Variants in COL5A2 observed in about 807,000 individuals in gnomAD.
COL5A2 encodes collagen alpha-2(V) chain.
COL5A2 carries 23 observed loss-of-function variants against 208.2 expected under a neutral mutation model. The observed-to-expected ratio is 0.11, with a 90% CI of 0.08 to 0.16. COL5A2 has a LOEUF of 0.16. Ranked by LOEUF, COL5A2 falls within the 10% of genes least tolerant of loss-of-function variation. COL5A2 has a pLI of 1.00. For synonymous variants in COL5A2, 625 were observed against 628.5 expected (o/e 0.99, Z 0.08); for missense variants, 1,590 against 1,956.4 (o/e 0.81, Z 3.53).
At chr2:189,282,920 C>T in the COL5A2 span, among the ~76,000 whole-genome samples, 3 of 151,970 alleles carry the variant, frequency 2.0e-5, no homozygotes, top group Admixed American at 2.0e-4. Context: ...ACTATAGGTG[C>T]TAAAAATAAC....
the COL5A2 span, among the ~76,000 whole-genome samples, chr2:189,282,724 T>C: frequency 1.2e-4 from 19 of 152,306 alleles, no homozygotes; most frequent in African/African-American, 4.6e-4. Flanking sequence ...ACTGTCTGTC[T>C]ACATTGATGC....
At chr2:189,194,276 G>GCA (rs1232916984) in intron 1 of COL5A2, among the ~76,000 whole-genome samples, 8 of 152,092 alleles carry the variant, frequency 5.3e-5, no homozygotes, top group Non-Finnish European at 1.2e-4. Context: ...TAATTTTCAA[G>GCA]TTTACCAAAG....
At chr2:189,093,997 G>A (rs1686846295) in intron 6 of COL5A2, among the ~76,000 whole-genome samples, 1 of 152,144 alleles carries the variant, frequency 6.6e-6, no homozygotes, top group Non-Finnish European at 1.5e-5. Flanking sequence ...CTCCCAATGA[G>A]AGTTCCAAAG....
At chr2:189,048,156 A>G in intron 45 of COL5A2, 53 bp downstream of exon 45, 1 of 1,537,142 alleles carries the variant, frequency 6.5e-7, no homozygotes, top group Non-Finnish European at 9.0e-7. Flanking sequence ...TAAATTAAAA[A>G]GATTTCAGAT....
chr2:189,166,643 T>TG (rs1272847999), intron 1 of COL5A2, among the ~76,000 whole-genome samples: 2 of 152,174 alleles, frequency 1.3e-5, no homozygotes, highest in East Asian at 3.8e-4. Context: ...GAACCCTCCG[T>TG]GGGCAAGTAG....
intron 1 of COL5A2, among the ~76,000 whole-genome samples, chr2:189,219,104 G>C (rs1448317271): frequency 6.6e-6 from 1 of 152,146 alleles, no homozygotes; most frequent in Non-Finnish European, 1.5e-5. Context: ...GAAAAAGCTA[G>C]TGTTCCAATA....
At chr2:189,318,476 A>C in the COL5A2 span, among the ~76,000 whole-genome samples, 1 of 152,190 alleles carries the variant, frequency 6.6e-6, no homozygotes, top group Non-Finnish European at 1.5e-5. Flanking sequence ...ATTTATTTTA[A>C]AAGGGGGCTA....
chr2:189,277,303 A>C, the COL5A2 span, among the ~76,000 whole-genome samples: 1 of 152,156 alleles, frequency 6.6e-6, no homozygotes, highest in Non-Finnish European at 1.5e-5. Flanking sequence ...AAGCCAATCA[A>C]AATGTTCTTA....
At chr2:189,052,517 T>C (rs984538988) in intron 40 of COL5A2, among the ~76,000 whole-genome samples, 5 of 152,200 alleles carry the variant, frequency 3.3e-5, no homozygotes, top group African/African-American at 7.2e-5. Flanking sequence ...CTCTTTTATA[T>C]AGGTAGTATG....
the COL5A2 span, among the ~76,000 whole-genome samples, chr2:189,341,626 G>A: frequency 1.3e-5 from 2 of 151,830 alleles, no homozygotes; most frequent in Admixed American, 6.6e-5. Flanking sequence ...TCACTTCCAG[G>A]GCTGGTTTCT....
chr2:189,189,882 A>G (rs1057011842), intron 1 of COL5A2, among the ~76,000 whole-genome samples: 6 of 152,312 alleles, frequency 3.9e-5, no homozygotes, highest in African/African-American at 1.2e-4. Flanking sequence ...GGACCCATGC[A>G]TTGATTATAC....
the COL5A2 span, among the ~76,000 whole-genome samples, chr2:189,256,077 T>C: frequency 6.6e-6 from 1 of 152,214 alleles, no homozygotes; most frequent in Non-Finnish European, 1.5e-5. Flanking sequence ...TCGTGCCTGT[T>C]ATATTCCAGG....
chr2:189,221,134 G>A (rs1185561779), intron 1 of COL5A2, among the ~76,000 whole-genome samples: 1 of 152,142 alleles, frequency 6.6e-6, no homozygotes, highest in Admixed American at 6.5e-5. Flanking sequence ...ATTCACAGAG[G>A]TGGAGAGCTG....
intron 32 of COL5A2, 84 bp from the exon 33 acceptor site, chr2:189,058,611 C>A (rs532121224): frequency 3.2e-6 from 4 of 1,256,132 alleles, no homozygotes; most frequent in Non-Finnish European, 4.6e-6. Context: ...GCTTCTACTG[C>A]GGAAAAATTC....
chr2:189,070,744 GA>G (rs1182844179), intron 18 of COL5A2, among the ~76,000 whole-genome samples: 1 of 152,118 alleles, frequency 6.6e-6, no homozygotes, highest in Non-Finnish European at 1.5e-5. Flanking sequence ...CAAAAAGAGG[GA>G]AGGGATTTTG....
At position 189,039,577 on chromosome 2, in the gene COL5A2, G is replaced by C; in HGVS notation, c.3634-14C>G. 1 of 1,611,606 alleles carries C rather than the reference G, an allele frequency of 6.2e-7. No homozygotes were observed. Among genetic ancestry groups the C allele is most frequent in the Non-Finnish European group, 8.5e-7 (1 of 1,179,586 alleles). The stretch of plus-strand genomic sequence containing the variant: ...ACCAGGAGGGCCCTAATTAAAAAGA[G>C]ATTGGAAAGACATTTAACACATTGT... On this transcript the variant is annotated splice_polypyrimidine_tract_variant and intron_variant, in intron 50 of 53. Coordinates refer to ENST00000374866, the MANE Select transcript of COL5A2 (RefSeq NM_000393.5).
At chr2:189,194,897 C>T (rs1688978126) in intron 1 of COL5A2, among the ~76,000 whole-genome samples, 1 of 152,070 alleles carries the variant, frequency 6.6e-6, no homozygotes, top group Non-Finnish European at 1.5e-5. Flanking sequence ...TGATGGATTA[C>T]CTTTACTGAT....
chr2:189,244,827 CA>C, the COL5A2 span, among the ~76,000 whole-genome samples: 4 of 152,116 alleles, frequency 2.6e-5, no homozygotes, highest in South Asian at 8.3e-4. Flanking sequence ...TTCACTCTGC[CA>C]ATAAAGACAT....
At chr2:189,404,025 C>T in the COL5A2 span, among the ~76,000 whole-genome samples, 162 of 152,290 alleles carry the variant, frequency 1.1e-3, no homozygotes, top group African/African-American at 3.6e-3. Flanking sequence ...GCCACCATGC[C>T]AGGCCCAGCT....
Sources: allele counts gnomAD v4.1 joint callset (sites outside exome capture counted in the v4.1 genomes callset), GRCh38; gene constraint gnomAD v4.1.1; transcripts MANE v1.5; gene names NCBI Gene and HGNC (gene_info 2026-07-23, HGNC 2026-07-21).